Variants in SMYD3 observed in about 807,000 individuals in gnomAD.
SMYD3 encodes the protein histone-lysine N-methyltransferase SMYD3.
Under a neutral mutation model 57.7 loss-of-function variants are expected in SMYD3, and 36 were observed. That is an observed-to-expected ratio of 0.62 (90% CI 0.48 to 0.82). SMYD3 has a LOEUF of 0.82. Among genes scored for constraint, SMYD3 ranks in the 40% least tolerant of loss-of-function variants. The probability of loss-of-function intolerance (pLI) is 0.00; values close to 1 mark genes in which losing one functional copy is unlikely to be tolerated. For missense variants in SMYD3, 515 were observed against 538.8 expected (o/e 0.96, Z 0.44); for synonymous variants, 211 against 195.0 (o/e 1.08, Z -0.68).
intron 5 of SMYD3, among the ~76,000 whole-genome samples, chr1:246,147,951 C>T (rs1314235332): frequency 1.3e-5 from 2 of 152,146 alleles, no homozygotes; most frequent in African/African-American, 2.4e-5. Context: ...TGTCTGCTCC[C>T]GCTTCCCAGC....
At chr1:246,232,360 T>C (rs2878076) in intron 5 of SMYD3, among the ~76,000 whole-genome samples, 31,562 of 152,158 alleles carry the variant, frequency 0.21, 3,991 homozygotes, top group East Asian at 0.58. Flanking sequence ...TAGTGCTGGA[T>C]GCAGTGTGAA....
intron 10 of SMYD3, among the ~76,000 whole-genome samples, chr1:245,814,860 AAG>A (rs1491330666): frequency 6.9e-6 from 1 of 145,302 alleles, no homozygotes; most frequent in Admixed American, 6.7e-5. Context: ...ACACACACGC[AAG>A]CACACACACA....
intron 5 of SMYD3, among the ~76,000 whole-genome samples, chr1:246,137,080 T>C (rs1038635533): frequency 2.0e-5 from 3 of 152,206 alleles, no homozygotes; most frequent in African/African-American, 7.2e-5. Context: ...ATGCATATAC[T>C]AGAATTTTGG....
intron 5 of SMYD3, among the ~76,000 whole-genome samples, chr1:246,026,572 TTCTA>T (rs2059577919): frequency 6.6e-6 from 1 of 152,220 alleles, no homozygotes; most frequent in Non-Finnish European, 1.5e-5. Context: ...TTTTTCACTG[TTCTA>T]TCTGTGATGC....
At chr1:246,330,297 G>A (rs2065438041) in intron 4 of SMYD3, among the ~76,000 whole-genome samples, 183 bp downstream of exon 4, 1 of 152,152 alleles carries the variant, frequency 6.6e-6, no homozygotes, top group Non-Finnish European at 1.5e-5. Flanking sequence ...ACCCTTATCA[G>A]GACGAAGCTA....
chr1:246,325,307 G>A (rs529872987), intron 5 of SMYD3, among the ~76,000 whole-genome samples: 36 of 134,054 alleles, frequency 2.7e-4, no homozygotes, highest in South Asian at 1.6e-3. Flanking sequence ...TTGGGGGGGC[G>A]GGAAGGAGGG....
intron 1 of SMYD3, among the ~76,000 whole-genome samples, chr1:246,358,012 T>C (rs2065933159): frequency 6.6e-6 from 1 of 152,176 alleles, no homozygotes; most frequent in African/African-American, 2.4e-5. Context: ...ACTTAAAAGA[T>C]ATGGAATGGC....
At chr1:245,876,958 G>A (rs2052520572) in intron 8 of SMYD3, among the ~76,000 whole-genome samples, 1 of 152,142 alleles carries the variant, frequency 6.6e-6, no homozygotes, top group South Asian at 2.1e-4. Context: ...AGAGCCCTCT[G>A]CCTGGCCGGG....
At chr1:246,368,794 G>C (rs1016938297) in intron 1 of SMYD3, among the ~76,000 whole-genome samples, 13 of 152,216 alleles carry the variant, frequency 8.5e-5, no homozygotes, top group African/African-American at 3.1e-4. Context: ...TTAGTCTCCC[G>C]ACCTACACCT....
At chr1:246,447,800 C>T (rs1176858334) in intron 1 of SMYD3, among the ~76,000 whole-genome samples, 1 of 152,180 alleles carries the variant, frequency 6.6e-6, no homozygotes, top group African/African-American at 2.4e-5. Context: ...GATTACTGAG[C>T]TCTACTGTTT....
chr1:246,457,592 A>G, intron 1 of SMYD3, among the ~76,000 whole-genome samples: 1 of 151,890 alleles, frequency 6.6e-6, no homozygotes, highest in East Asian at 1.9e-4. Flanking sequence ...AAAAGAAAAG[A>G]AGGTCCAAAT....
chr1:245,916,135 T>C (rs1275561163), intron 7 of SMYD3, among the ~76,000 whole-genome samples: 1 of 152,110 alleles, frequency 6.6e-6, no homozygotes, highest in African/African-American at 2.4e-5. Flanking sequence ...AGAAAACAGT[T>C]CTCTTATTTG....
intron 5 of SMYD3, among the ~76,000 whole-genome samples, chr1:246,112,080 G>A (rs182713266): frequency 1.3e-4 from 20 of 152,238 alleles, no homozygotes; most frequent in Non-Finnish European, 2.8e-4. Context: ...AGCAAAAGTC[G>A]CAACCAAATA....
At chr1:245,765,760 G>A (rs1314216116) in intron 10 of SMYD3, among the ~76,000 whole-genome samples, 2 of 152,058 alleles carry the variant, frequency 1.3e-5, no homozygotes, top group East Asian at 1.9e-4. Context: ...CTCCAGGGAC[G>A]GAGGTGCCTG....
intron 5 of SMYD3, among the ~76,000 whole-genome samples, chr1:246,296,341 A>T (rs2064794744): frequency 6.6e-6 from 1 of 152,226 alleles, no homozygotes; most frequent in South Asian, 2.1e-4. Flanking sequence ...ATGTGTTAAT[A>T]ACTTTACAGA....
chr1:245,969,388 C>A (rs1236344451), intron 5 of SMYD3, among the ~76,000 whole-genome samples: 4 of 152,234 alleles, frequency 2.6e-5, no homozygotes, highest in Non-Finnish European at 1.5e-5. Context: ...GAGGCCTTAG[C>A]CAAGACTTTT....
chr1:246,021,186 C>A (rs548626248), intron 5 of SMYD3, among the ~76,000 whole-genome samples: 1 of 152,274 alleles, frequency 6.6e-6, no homozygotes, highest in African/African-American at 2.4e-5. Context: ...CCTTTCTTCA[C>A]CTCGGGTGAA....
chr1:246,249,283 T>C lies in SMYD3; in HGVS notation c.531+77918A>G, dbSNP rs556982505. On this transcript the variant is annotated intron_variant, in intron 5 of 11. Coordinates refer to ENST00000490107, the MANE Select transcript of SMYD3 (RefSeq NM_001167740.2). ...CACACCTGGCTAATTTTTGTATTTT[T>C]AGTAGAGACAGGGTTTCACCATGTT... 4.6e-3 allele frequency among the ~76,000 whole-genome samples: 690 copies of C among 151,064 alleles called. 4 individuals are homozygous for C. The highest frequency in any genetic ancestry group is 0.016 in the African/African-American group (659 of 41,246).
chr1:246,299,643 G>A (rs1348706661), intron 5 of SMYD3, among the ~76,000 whole-genome samples: 1 of 152,090 alleles, frequency 6.6e-6, no homozygotes, highest in Non-Finnish European at 1.5e-5. Flanking sequence ...ATGCACTGGG[G>A]AATACTAAGC....
Sources: allele counts gnomAD v4.1 joint callset (sites outside exome capture counted in the v4.1 genomes callset), GRCh38; gene constraint gnomAD v4.1.1; transcripts MANE v1.5; gene names NCBI Gene and HGNC (gene_info 2026-07-23, HGNC 2026-07-21).